STK32C: variants seen among roughly 807,000 people sequenced by gnomAD.
STK32C encodes the protein serine/threonine kinase 32C.
STK32C carries 31 observed loss-of-function variants against 56.5 expected under a neutral mutation model. That is an observed-to-expected ratio of 0.55 (90% CI 0.41 to 0.74). The LOEUF (loss-of-function observed/expected upper bound fraction) is 0.74. Among genes scored for constraint, STK32C ranks in the 30% least tolerant of loss-of-function variants. The pLI, the probability that STK32C is intolerant of heterozygous loss-of-function variation, is 0.00. For missense variants in STK32C, 544 were observed against 676.9 expected (o/e 0.80, Z 2.18); for synonymous variants, 309 against 289.4 (o/e 1.07, Z -0.69).
intron 10 of STK32C, among the ~76,000 whole-genome samples, chr10:132,216,926 C>T (rs1216970717): frequency 1.3e-5 from 2 of 152,182 alleles, no homozygotes; most frequent in Non-Finnish European, 2.9e-5. Flanking sequence ...GGGGTGGGGC[C>T]CTCATGGAGA....
intron 1 of STK32C, among the ~76,000 whole-genome samples, chr10:132,295,470 G>A (rs1310590634): frequency 6.6e-6 from 1 of 152,204 alleles, no homozygotes; most frequent in Non-Finnish European, 1.5e-5. Flanking sequence ...ACTGGGACGG[G>A]GTGACCAAGA....
At chr10:132,292,559 GCACA>G (rs1207754052) in intron 1 of STK32C, among the ~76,000 whole-genome samples, 1 of 152,302 alleles carries the variant, frequency 6.6e-6, no homozygotes, top group South Asian at 2.1e-4. Context: ...ACATGCTCAT[GCACA>G]CACATTCATA....
intron 10 of STK32C, among the ~76,000 whole-genome samples, chr10:132,215,346 C>T (rs1565063810): frequency 1.3e-5 from 2 of 152,096 alleles, no homozygotes; most frequent in Non-Finnish European, 2.9e-5. Context: ...TTGGCTGTCT[C>T]CCCACCCCAA....
At chr10:132,268,310 T>TGTGTATGTGTGTCG in intron 1 of STK32C, among the ~76,000 whole-genome samples, 1 of 147,112 alleles carries the variant, frequency 6.8e-6, no homozygotes, top group Non-Finnish European at 1.5e-5. Flanking sequence ...TCTCTCACAT[T>TGTGTATGTGTGTCG]GTGTATGTGT....
At chr10:132,323,989 C>T (rs1327061748), downstream of STK32C, 4 of 475,626 alleles carry the variant, frequency 8.4e-6, no homozygotes, top group Non-Finnish European at 1.5e-5. This position sits in a 1 kb window ranked among gnomAD's most constrained non-coding sequence, Gnocchi z 4.8. Context: ...CCACTCACTC[C>T]CTCAAGAATT....
At chr10:132,265,233 G>A (rs1421493179) in intron 1 of STK32C, among the ~76,000 whole-genome samples, 1 of 148,744 alleles carries the variant, frequency 6.7e-6, no homozygotes, top group African/African-American at 2.5e-5. Context: ...CCAGGGCAGC[G>A]AGGTGGCTCT....
At chr10:132,299,256 C>T (rs2065844189) in intron 1 of STK32C, among the ~76,000 whole-genome samples, 1 of 148,512 alleles carries the variant, frequency 6.7e-6, no homozygotes, top group Non-Finnish European at 1.5e-5. Context: ...GCAGCACAGA[C>T]AGCTAATCCA....
intron 2 of STK32C, among the ~76,000 whole-genome samples, chr10:132,239,731 C>T (rs1026779069): frequency 3.3e-5 from 5 of 152,368 alleles, no homozygotes; most frequent in Admixed American, 6.5e-5. Flanking sequence ...CAACTTTTAG[C>T]GGCCACTGAT....
chr10:132,242,227 G>C (rs2063527540), intron 2 of STK32C, among the ~76,000 whole-genome samples: 1 of 152,150 alleles, frequency 6.6e-6, no homozygotes, highest in South Asian at 2.1e-4. Flanking sequence ...GGGGGCCAGG[G>C]GCTGGTGTCC....
chr10:132,258,836 G>T (rs900046255), intron 1 of STK32C, among the ~76,000 whole-genome samples: 1 of 152,242 alleles, frequency 6.6e-6, no homozygotes, highest in African/African-American at 2.4e-5. Context: ...AGGAGGGGCT[G>T]CGAGGGCCTC....
chr10:132,266,055 G>A (rs2064511300), intron 1 of STK32C, among the ~76,000 whole-genome samples: 1 of 152,140 alleles, frequency 6.6e-6, no homozygotes, highest in South Asian at 2.1e-4. Flanking sequence ...CCTTACAACA[G>A]TCAAATACTG....
downstream of STK32C, among the ~76,000 whole-genome samples, chr10:132,320,652 T>C (rs2066389479): frequency 6.6e-6 from 1 of 152,138 alleles, no homozygotes; most frequent in Admixed American, 6.5e-5. Context: ...GGATGCGGCC[T>C]GGAGTTCTTA....
intron 10 of STK32C, among the ~76,000 whole-genome samples, chr10:132,211,877 G>A (rs2062312854): frequency 6.6e-6 from 1 of 152,100 alleles, no homozygotes; most frequent in South Asian, 2.1e-4. Flanking sequence ...AAGCTCTGCT[G>A]GCATCTCCCA....
At chr10:132,237,217 G>A (rs1282398159) in intron 2 of STK32C, among the ~76,000 whole-genome samples, 1 of 152,100 alleles carries the variant, frequency 6.6e-6, no homozygotes, top group Non-Finnish European at 1.5e-5. Flanking sequence ...TGTGCTCCCT[G>A]GGCTCACAGG....
At chr10:132,291,882 C>A (rs2065576172) in intron 1 of STK32C, among the ~76,000 whole-genome samples, 2 of 152,156 alleles carry the variant, frequency 1.3e-5, no homozygotes, top group South Asian at 4.1e-4. Flanking sequence ...ACCTCCTGCC[C>A]TGGCAAGCCT....
chr10:132,251,510 G>A (rs1056695533), intron 1 of STK32C, among the ~76,000 whole-genome samples: 1 of 152,106 alleles, frequency 6.6e-6, no homozygotes, highest in Admixed American at 6.5e-5. Flanking sequence ...GGGAAGGGGG[G>A]GCATAGGAGC....
chr10:132,269,794 G>C (rs572379692), intron 1 of STK32C, among the ~76,000 whole-genome samples: 1 of 152,328 alleles, frequency 6.6e-6, no homozygotes, highest in East Asian at 1.9e-4. Context: ...GACTCCAGCG[G>C]CACAGTGGGG....
chr10:132,209,270 G>A, intron 10 of STK32C, 169 bp from the exon 11 acceptor site: 1 of 713,698 alleles, frequency 1.4e-6, no homozygotes, highest in South Asian at 1.5e-5. Context: ...CTGCCCGGGA[G>A]CTCGCATCTC....
At chr10:132,258,439 AG>A (rs2064197574) in intron 1 of STK32C, among the ~76,000 whole-genome samples, 1 of 152,196 alleles carries the variant, frequency 6.6e-6, no homozygotes, top group Non-Finnish European at 1.5e-5. Flanking sequence ...GGGCCCTTCC[AG>A]GGCTCTTTGC....
Sources: gnomAD v4.1 joint callset for allele counts (sites outside exome capture counted in the v4.1 genomes callset) on GRCh38, gnomAD v4.1.1 for gene constraint, Gnocchi (gnomAD v3.1) non-coding constraint, MANE v1.5 for transcripts, NCBI Gene and HGNC (gene_info 2026-07-23, HGNC 2026-07-21) for gene names.